Variants in EPHB1 observed in about 807,000 individuals in gnomAD.
EPHB1 encodes the protein EPH receptor B1, also known as ephrin type-B receptor 1.
EPHB1 carries 30 observed loss-of-function variants against 94.4 expected under a neutral mutation model. The observed-to-expected ratio is 0.32, with a 90% CI of 0.24 to 0.43. EPHB1 has a LOEUF of 0.43. Ranked by LOEUF, EPHB1 falls within the 20% of genes least tolerant of loss-of-function variation. The pLI, the probability that EPHB1 is intolerant of heterozygous loss-of-function variation, is 1.00. For missense variants in EPHB1, 1,055 were observed against 1,308.3 expected, an observed-to-expected ratio of 0.81 and a Z score of 2.99; for synonymous variants, 522 against 489.1, an observed-to-expected ratio of 1.07 and a Z score of -0.89.
chr3:135,094,943 C>T (rs1008092636), intron 3 of EPHB1, among the ~76,000 whole-genome samples: 3 of 152,206 alleles, frequency 2.0e-5, no homozygotes, highest in African/African-American at 4.8e-5. Flanking sequence ...ATTGGTTTCT[C>T]TCCCACATAG....
chr3:135,170,553 A>AGTTT (rs1196928000), intron 9 of EPHB1, among the ~76,000 whole-genome samples: 1 of 152,058 alleles, frequency 6.6e-6, no homozygotes, highest in East Asian at 1.9e-4. Context: ...GCAGAGAAAC[A>AGTTT]GTTTGTTCTC....
chr3:134,930,130 C>T (rs2038876516), intron 2 of EPHB1, among the ~76,000 whole-genome samples: 1 of 152,228 alleles, frequency 6.6e-6, no homozygotes. Context: ...GGCAGGCTTT[C>T]AGACCCAGAG....
chr3:135,183,026 T>TTTTCTTTTCTTTTC (rs1553745483), intron 10 of EPHB1, among the ~76,000 whole-genome samples: 395 of 94,474 alleles, frequency 4.2e-3, no homozygotes, highest in Middle Eastern at 0.012. Flanking sequence ...TTTTCTTTTC[T>TTTTCTTTTCTTTTC]TTTCTTTCTT....
chr3:135,114,565 A>AC (rs1252035035), intron 4 of EPHB1, among the ~76,000 whole-genome samples: 1 of 146,922 alleles, frequency 6.8e-6, no homozygotes, highest in Admixed American at 6.8e-5. Flanking sequence ...AAAAAAAAAA[A>AC]ATACAAAAAT....
At chr3:134,840,775 A>T (rs1378466510) in intron 1 of EPHB1, among the ~76,000 whole-genome samples, 1 of 152,210 alleles carries the variant, frequency 6.6e-6, no homozygotes, top group East Asian at 1.9e-4. Flanking sequence ...CACATTGTAA[A>T]TATGAGGTCT....
intron 5 of EPHB1, among the ~76,000 whole-genome samples, chr3:135,153,948 G>A (rs1378371030): frequency 6.6e-6 from 1 of 152,084 alleles, no homozygotes; most frequent in African/African-American, 2.4e-5. Context: ...TTTCCTAAAT[G>A]CTACCTTCTC....
chr3:134,947,142 G>A (rs753400107), intron 2 of EPHB1, among the ~76,000 whole-genome samples: 8 of 152,142 alleles, frequency 5.3e-5, no homozygotes, highest in African/African-American at 1.4e-4. Context: ...GGCTAATGGC[G>A]CCTGGCACAA....
intron 3 of EPHB1, among the ~76,000 whole-genome samples, chr3:135,083,605 G>C (rs915578691): frequency 6.6e-6 from 1 of 151,894 alleles, no homozygotes; most frequent in Non-Finnish European, 1.5e-5. Flanking sequence ...AGTAAGGGGA[G>C]TGTATGGAGG....
chr3:135,245,065 T>C (rs1347851061), intron 13 of EPHB1, among the ~76,000 whole-genome samples: 1 of 152,210 alleles, frequency 6.6e-6, no homozygotes, highest in Non-Finnish European at 1.5e-5. Context: ...GAAAAGTCCT[T>C]GGTGCTTTTC....
At chr3:134,978,870 T>A (rs1934299768) in intron 3 of EPHB1, among the ~76,000 whole-genome samples, 1 of 152,226 alleles carries the variant, frequency 6.6e-6, no homozygotes, top group Admixed American at 6.5e-5. Flanking sequence ...GAGAGCATTG[T>A]GGGACCTACC....
chr3:135,126,104 G>A (rs779730970), intron 4 of EPHB1, among the ~76,000 whole-genome samples: 43 of 151,974 alleles, frequency 2.8e-4, no homozygotes, highest in Admixed American at 5.9e-4. Flanking sequence ...CCATCCATAC[G>A]CCTGATATCA....
rs36219 is a variant in EPHB1 at position 134,907,188 on chromosome 3, G to A, written c.59-18628G>A. Among the ~76,000 whole-genome samples, 388 of 152,256 alleles carry A rather than the reference G, an allele frequency of 2.5e-3. 2 individuals carry two copies. The highest frequency in any genetic ancestry group is 9.0e-3 in the African/African-American group (376 of 41,558). ...CCATGCTACTGATAAGAAATCTGGG[G>A]CTCAGAGAGGTTGTGTGGGTTACCC... On this transcript the variant is annotated intron_variant, in intron 1 of 15. Transcript: ENST00000398015.
chr3:135,182,673 C>G (rs1158970051), intron 10 of EPHB1, among the ~76,000 whole-genome samples: 1 of 144,476 alleles, frequency 6.9e-6, no homozygotes, highest in Non-Finnish European at 1.6e-5. Flanking sequence ...AGGATAAACA[C>G]TAGTAGAAAA....
intron 9 of EPHB1, among the ~76,000 whole-genome samples, chr3:135,178,792 C>G (rs1034151727): frequency 6.6e-6 from 1 of 152,084 alleles, no homozygotes; most frequent in African/African-American, 2.4e-5. Context: ...GCCTGCCTTC[C>G]CCTGCTGACC....
At chr3:135,168,876 G>T (rs975360674) in intron 9 of EPHB1, among the ~76,000 whole-genome samples, 1 of 152,176 alleles carries the variant, frequency 6.6e-6, no homozygotes, top group Non-Finnish European at 1.5e-5. Flanking sequence ...ATCTCACTTC[G>T]AAGTCAAGAG....
chr3:134,919,080 G>A (rs1056828139), intron 1 of EPHB1, among the ~76,000 whole-genome samples: 5 of 152,188 alleles, frequency 3.3e-5, no homozygotes, highest in African/African-American at 1.2e-4. Flanking sequence ...GAGTCAGATA[G>A]GGTGCTGATA....
intron 1 of EPHB1, among the ~76,000 whole-genome samples, chr3:134,907,228 A>G (rs1173507374): frequency 6.6e-6 from 1 of 152,190 alleles, no homozygotes; most frequent in East Asian, 1.9e-4. Flanking sequence ...CCACATTGCC[A>G]TTATCAACAC....
chr3:135,070,771 A>T (rs1271128656), intron 3 of EPHB1, among the ~76,000 whole-genome samples: 1 of 152,158 alleles, frequency 6.6e-6, no homozygotes, highest in Non-Finnish European at 1.5e-5. Context: ...ATTTTAAGAC[A>T]AATGTTTCAT....
At chr3:134,954,586 T>A (rs562732613) in intron 3 of EPHB1, among the ~76,000 whole-genome samples, 1 of 152,312 alleles carries the variant, frequency 6.6e-6, no homozygotes, top group East Asian at 1.9e-4. Flanking sequence ...AGAATTGATG[T>A]CCTCTGAGCC....
Sources: gnomAD v4.1 joint callset for allele counts (sites outside exome capture counted in the v4.1 genomes callset) on GRCh38, gnomAD v4.1.1 for gene constraint, MANE v1.5 for transcripts, NCBI Gene and HGNC (gene_info 2026-07-23, HGNC 2026-07-21) for gene names.